Variants in ARL15 observed in about 807,000 individuals in gnomAD.
The protein encoded by ARL15 is ARF like GTPase 15.
Under a neutral mutation model 25.2 loss-of-function variants are expected in ARL15, and 19 were observed. The ratio of observed to expected loss-of-function variants is 0.75; its 90% CI spans 0.53 to 1.10. The LOEUF is 1.10. Ranked by LOEUF, ARL15 falls within the 50% of genes least tolerant of loss-of-function variation. ARL15 has a pLI of 0.00. For missense variants in ARL15, 220 were observed against 246.0 expected, an observed-to-expected ratio of 0.89 and a Z score of 0.71; for synonymous variants, 94 against 86.8, an observed-to-expected ratio of 1.08 and a Z score of -0.46.
At chr5:53,911,666 A>T (rs1031034614) in intron 4 of ARL15, among the ~76,000 whole-genome samples, 1 of 152,056 alleles carries the variant, frequency 6.6e-6, no homozygotes, top group Non-Finnish European at 1.5e-5. Flanking sequence ...CCCAATGTGT[A>T]GTCTTTTATC....
chr5:54,149,923 T>C (rs1754015234), intron 3 of ARL15, among the ~76,000 whole-genome samples: 1 of 152,134 alleles, frequency 6.6e-6, no homozygotes, highest in Non-Finnish European at 1.5e-5. Context: ...GTTCACGAAG[T>C]AATACTATAA....
intron 3 of ARL15, among the ~76,000 whole-genome samples, chr5:54,114,651 GT>G (rs1230067907): frequency 6.6e-6 from 1 of 152,090 alleles, no homozygotes; most frequent in Non-Finnish European, 1.5e-5. Context: ...GCAGACAGAG[GT>G]AAAGTAAGTG....
At chr5:53,938,781 T>C (rs1182397449) in intron 4 of ARL15, among the ~76,000 whole-genome samples, 1 of 152,090 alleles carries the variant, frequency 6.6e-6, no homozygotes, top group Non-Finnish European at 1.5e-5. Context: ...GAGGTAGAGG[T>C]TGCAGTGAGC....
chr5:54,000,044 A>C (rs528478229), intron 4 of ARL15, among the ~76,000 whole-genome samples: 57 of 152,334 alleles, frequency 3.7e-4, no homozygotes, highest in African/African-American at 1.1e-3. Context: ...TTTCACTCAT[A>C]TCTATATTGA....
chr5:53,971,933 C>T (rs1444739161), intron 4 of ARL15, among the ~76,000 whole-genome samples: 3 of 152,024 alleles, frequency 2.0e-5, no homozygotes, highest in African/African-American at 7.2e-5. Context: ...TAGGAATCAT[C>T]TATTATGCAT....
intron 4 of ARL15, chr5:53,951,662 T>C (rs1746967919): frequency 5.0e-6 from 2 of 403,640 alleles, no homozygotes; most frequent in African/African-American, 2.2e-5. Flanking sequence ...TTCGATATGA[T>C]GACCACTAAA....
intron 4 of ARL15, among the ~76,000 whole-genome samples, chr5:54,063,292 G>A (rs1751122404): frequency 1.3e-5 from 2 of 152,172 alleles, no homozygotes; most frequent in South Asian, 4.1e-4. Flanking sequence ...TAGGAAATGA[G>A]GATTCTGCAG....
chr5:54,234,815 C>T lies in ARL15; in HGVS notation c.49-62887G>A, dbSNP rs13354925. On this transcript the variant is annotated intron_variant, in intron 1 of 4. Transcript: ENST00000504924. Reference sequence around the variant, plus strand: ...TGGATTGTCAGAAGAATTACAACTCCGTCCCAGAAAATTCAGATTATAAAA... The same window carrying T: ...TGGATTGTCAGAAGAATTACAACTCTGTCCCAGAAAATTCAGATTATAAAA... Among the ~76,000 whole-genome samples the T allele has an allele frequency of 6.7e-3, 1,021 of 152,114 alleles. 11 individuals carry two copies. Among genetic ancestry groups the T allele is most frequent in the African/African-American group, 0.023 (957 of 41,492 alleles).
intron 4 of ARL15, among the ~76,000 whole-genome samples, chr5:54,059,829 T>C (rs1751007861): frequency 6.6e-6 from 1 of 152,178 alleles, no homozygotes; most frequent in Admixed American, 6.5e-5. Context: ...AAAAACAGTT[T>C]TATGGAACAT....
chr5:53,906,301 G>A (rs991457677), intron 4 of ARL15, among the ~76,000 whole-genome samples: 4 of 152,194 alleles, frequency 2.6e-5, no homozygotes, highest in Admixed American at 2.6e-4. Context: ...TGATAAATCT[G>A]TAAATGTGTC....
At chr5:53,909,716 A>T (rs1745390918) in intron 4 of ARL15, among the ~76,000 whole-genome samples, 1 of 152,216 alleles carries the variant, frequency 6.6e-6, no homozygotes, top group Non-Finnish European at 1.5e-5. Flanking sequence ...CAAAAAGAAA[A>T]ATAATAATAA....
chr5:54,025,097 G>A (rs1205670964), intron 4 of ARL15, among the ~76,000 whole-genome samples: 2 of 152,098 alleles, frequency 1.3e-5, no homozygotes, highest in Non-Finnish European at 2.9e-5. Context: ...ATCCCAGGCA[G>A]ATTTGATATC....
At chr5:54,165,020 CTTTGT>C (rs1754525669) in intron 2 of ARL15, among the ~76,000 whole-genome samples, 1 of 151,512 alleles carries the variant, frequency 6.6e-6, no homozygotes, top group African/African-American at 2.4e-5. Context: ...GGCTCTCATC[CTTTGT>C]TTTGTTATTT....
intron 3 of ARL15, among the ~76,000 whole-genome samples, chr5:54,136,192 T>C (rs1419374739): frequency 6.6e-6 from 1 of 152,204 alleles, no homozygotes; most frequent in African/African-American, 2.4e-5. Flanking sequence ...AGTACAATTT[T>C]ATCAGCAAAA....
At chr5:53,908,968 A>G (rs769384511) in intron 4 of ARL15, among the ~76,000 whole-genome samples, 1 of 152,234 alleles carries the variant, frequency 6.6e-6, no homozygotes, top group South Asian at 2.1e-4. Flanking sequence ...ATCATATCCC[A>G]TCAAGTTTGG....
At chr5:54,268,255 G>T (rs529627143) in intron 1 of ARL15, among the ~76,000 whole-genome samples, 10 of 151,784 alleles carry the variant, frequency 6.6e-5, no homozygotes, top group African/African-American at 2.4e-4. Context: ...CCAGTTGATC[G>T]CATCGGCTCC....
intron 1 of ARL15, among the ~76,000 whole-genome samples, chr5:54,287,651 TAAA>T (rs1342931497): frequency 1.3e-5 from 2 of 152,066 alleles, no homozygotes; most frequent in African/African-American, 4.8e-5. Flanking sequence ...ACATACTAAT[TAAA>T]ATGCATTCAT....
intron 4 of ARL15, among the ~76,000 whole-genome samples, chr5:54,033,946 T>TG (rs1323597094): frequency 6.6e-6 from 1 of 152,106 alleles, no homozygotes; most frequent in East Asian, 1.9e-4. Context: ...CCTGAGTAGC[T>TG]GGGACTACAG....
intron 4 of ARL15, among the ~76,000 whole-genome samples, chr5:53,914,165 A>ACACT (rs1345447316): frequency 6.6e-6 from 1 of 151,492 alleles, no homozygotes; most frequent in Admixed American, 6.6e-5. Flanking sequence ...ACACACACAC[A>ACACT]CTTTATAGTT....
Sources: gnomAD v4.1 joint callset for allele counts (sites outside exome capture counted in the v4.1 genomes callset) on GRCh38, gnomAD v4.1.1 for gene constraint, MANE v1.5 for transcripts, NCBI Gene and HGNC (gene_info 2026-07-23, HGNC 2026-07-21) for gene names.